Variants in CAGE1 observed in about 807,000 individuals in gnomAD.
CAGE1 encodes the protein cancer-associated gene 1 protein.
CAGE1 carries 66 observed loss-of-function variants against 94.9 expected under a neutral mutation model. The ratio of observed to expected loss-of-function variants is 0.70; its 90% CI spans 0.57 to 0.85. The LOEUF (loss-of-function observed/expected upper bound fraction) is 0.85, where lower values mean the gene tolerates loss of function less well. CAGE1 is among the 40% of genes least tolerant of loss of function. CAGE1 has a pLI of 0.00. For synonymous variants in CAGE1, 319 were observed against 321.0 expected (o/e 0.99, Z 0.07); for missense variants, 865 against 950.4 (o/e 0.91, Z 1.18).
chr6:7,382,256 T>C (rs968007764), intron 3 of CAGE1, among the ~76,000 whole-genome samples: 1 of 152,086 alleles, frequency 6.6e-6, no homozygotes, highest in Non-Finnish European at 1.5e-5. Context: ...ACTTTGGCCA[T>C]ACAGACGTTT....
intron 7 of CAGE1, among the ~76,000 whole-genome samples, chr6:7,366,177 C>T (rs527494088): frequency 2.1e-5 from 3 of 143,552 alleles, no homozygotes; most frequent in East Asian, 2.1e-4. Flanking sequence ...ACCTGGGAGG[C>T]GGAGGTTGCA....
chr6:7,345,894 C>T (rs990610548), intron 11 of CAGE1, among the ~76,000 whole-genome samples: 1 of 152,122 alleles, frequency 6.6e-6, no homozygotes, highest in African/African-American at 2.4e-5. Context: ...CACTGCACTC[C>T]AGCCTGGGTG....
Position 7,378,657 on chromosome 6 carries a change from G to T in CAGE1, c.647C>A (p.Ser216Tyr). 1.9e-6 allele frequency: 3 copies of T among 1,608,918 alleles called. No homozygotes were observed. The highest frequency in any genetic ancestry group is 2.5e-6 in the Non-Finnish European group (3 of 1,178,262). ...KSLAKSIAKE[S>Y]ALNPSQPPSF... ...TGGAGGTTGGCTAGGGTTGAGGGCA[G>T]ATTCCTTGGCAATACTTTTAGCCAG... The change falls in exon 4 of 14, where the codon TCT (serine) becomes TAT (tyrosine). Residue 216 changes from serine to tyrosine, a missense_variant. By Grantham distance (144) the Ser-to-Tyr change is moderately radical (BLOSUM62 -2). Transcript: ENST00000502583.
intron 3 of CAGE1, among the ~76,000 whole-genome samples, chr6:7,382,247 C>CT (rs1561868245): frequency 6.6e-6 from 1 of 152,028 alleles, no homozygotes; most frequent in African/African-American, 2.4e-5. Context: ...CTTTATTATA[C>CT]TTTGGCCATA....
At chr6:7,368,966 C>T (rs1344832471) in intron 6 of CAGE1, among the ~76,000 whole-genome samples, 168 bp from the exon 7 acceptor site, 1 of 151,558 alleles carries the variant, frequency 6.6e-6, no homozygotes, top group Non-Finnish European at 1.5e-5. Flanking sequence ...CAGAAGGCAT[C>T]CAATAAAGGG....
At chr6:7,366,353 C>T (rs1760335133) in intron 7 of CAGE1, among the ~76,000 whole-genome samples, 1 of 152,094 alleles carries the variant, frequency 6.6e-6, no homozygotes, top group Non-Finnish European at 1.5e-5. Flanking sequence ...CACAGCAGGT[C>T]CAAGACTGCT....
At chr6:7,377,031 T>C (rs1158133403) in intron 4 of CAGE1, among the ~76,000 whole-genome samples, 1 of 152,226 alleles carries the variant, frequency 6.6e-6, no homozygotes, top group Non-Finnish European at 1.5e-5. Flanking sequence ...GCTCTACATA[T>C]ACTTTATATG....
intron 11 of CAGE1, among the ~76,000 whole-genome samples, chr6:7,354,235 T>C (rs1356751442): frequency 1.3e-5 from 2 of 152,196 alleles, no homozygotes; most frequent in Non-Finnish European, 2.9e-5. Flanking sequence ...TGGCTGAATT[T>C]CCTTGGTTAT....
chr6:7,338,884 A>G, intron 11 of CAGE1: 2 of 1,542,572 alleles, frequency 1.3e-6, no homozygotes, highest in South Asian at 2.2e-5. Context: ...CTGGCTTCCC[A>G]CCCTTCTGTT....
intron 3 of CAGE1, among the ~76,000 whole-genome samples, chr6:7,382,876 C>G (rs1760986432): frequency 6.6e-6 from 1 of 152,084 alleles, no homozygotes; most frequent in African/African-American, 2.4e-5. Flanking sequence ...CTCCACTGCA[C>G]TCCATCCTGG....
Position 7,373,713 on chromosome 6 carries a change from T to A in CAGE1, c.1106A>T (p.Tyr369Phe). Residue 369 changes from tyrosine (Y) to phenylalanine (F), a missense_variant, in exon 5 of 14, where the codon TAC (tyrosine) becomes TTC (phenylalanine). Physicochemically the swap from Tyr to Phe is conservative, Grantham distance 22. Transcript: ENST00000502583. Reference sequence around the variant, plus strand: ...ATCATTCTTCTCTAGGATTATTTTGTATTTGTCTTCAATTAATTCTTCAAC... The same window carrying A: ...ATCATTCTTCTCTAGGATTATTTTGAATTTGTCTTCAATTAATTCTTCAAC... ...ENVEELIEDK[Y>F]KIILEKNDTK... 1 of 1,612,762 alleles carries A rather than the reference T, an allele frequency of 6.2e-7. No individual in the cohort carries two copies. Among genetic ancestry groups the A allele is most frequent in the Non-Finnish European group, 8.5e-7 (1 of 1,179,082 alleles).
intron 11 of CAGE1, among the ~76,000 whole-genome samples, chr6:7,352,296 AAAAAAAAAACAAAAAAAAAC>A (rs1426001518): frequency 4.9e-5 from 6 of 121,970 alleles, no homozygotes; most frequent in African/African-American, 2.1e-4. Flanking sequence ...GCTGCAAAAA[AAAAAAAAAACAAAAAAAAAC>A]AAAAAAAAAA....
chr6:7,376,361 C>T (rs1176173460), intron 4 of CAGE1, among the ~76,000 whole-genome samples: 1 of 151,362 alleles, frequency 6.6e-6, no homozygotes, highest in Non-Finnish European at 1.5e-5. Context: ...TGCACTGCAG[C>T]CTGGGCGACA....
In CAGE1 at chr6:7,387,200, T is replaced by TAA. The variant is rs35613760; in HGVS notation, c.-23-6_-23-5dup. On this transcript the variant is annotated splice_polypyrimidine_tract_variant and splice_region_variant and intron_variant, in intron 1 of 13. Coordinates refer to ENST00000502583, the MANE Select transcript of CAGE1 (RefSeq NM_001170692.2). ...ACTGTTGAACAATAGAAGACTTCTTTAAAAAAAAAATGTGTCTATTAGTAG... is the reference window on the plus strand; with the variant it reads ...ACTGTTGAACAATAGAAGACTTCTTTAAAAAAAAAAAATGTGTCTATTAGTAG... The TAA allele has an allele frequency of 1.8e-3, 2,499 of 1,356,964 alleles. No homozygotes were observed. Among genetic ancestry groups the TAA allele is most frequent in the Admixed American group, 2.7e-3 (116 of 43,442 alleles). The allele number at this position is 1,356,964 out of a possible 1,614,324, so 84.1% of individuals were successfully genotyped here. A position where few individuals can be genotyped will look rare whatever the true frequency, so the allele number is the denominator to read the frequency against.
chr6:7,384,870 G>A (rs1023000482), intron 3 of CAGE1, among the ~76,000 whole-genome samples: 1 of 152,136 alleles, frequency 6.6e-6, no homozygotes, highest in South Asian at 2.1e-4. Flanking sequence ...CTAATTTTTT[G>A]TATTTTTAGT....
At position 7,373,295 on chromosome 6, in the gene CAGE1, T is replaced by C. The variant is rs571770013; in HGVS notation, c.1524A>G (p.Arg508=). 6.2e-7 allele frequency: 1 copy of C among 1,605,474 alleles called. No individual in the cohort carries two copies. The highest frequency in any genetic ancestry group is 1.1e-5 in the South Asian group (1 of 89,944). The change falls in exon 5 of 14, where the codon AGA becomes AGG. Residue 508 remains arginine (R), a synonymous_variant. Coordinates refer to ENST00000502583, the MANE Select transcript of CAGE1 (RefSeq NM_001170692.2). The part of the protein sequence containing the change: ...NLEERQKLKS[R]LEKLLTQVRN... ...TAACTTGAGTGAGCAATTTCTCAAGTCTAGATTTCAGTTTCTGTCTTTCTT... is the reference window on the plus strand; with the variant it reads ...TAACTTGAGTGAGCAATTTCTCAAGCCTAGATTTCAGTTTCTGTCTTTCTT...
intron 11 of CAGE1, among the ~76,000 whole-genome samples, chr6:7,353,155 C>G (rs1198378704): frequency 6.6e-6 from 1 of 152,072 alleles, no homozygotes; most frequent in African/African-American, 2.4e-5. Context: ...TGACAAAGGA[C>G]AAATATCCAG....
At position 7,368,760 on chromosome 6, in the gene CAGE1, A is replaced by T; in HGVS notation, c.1932T>A (p.Ser644Arg). 6.4e-7 allele frequency: 1 copy of T among 1,558,100 alleles called. No individual in the cohort carries two copies. The highest frequency in any genetic ancestry group is 8.7e-7 in the Non-Finnish European group (1 of 1,150,584). Residue 644 changes from serine to arginine, a missense_variant, in exon 7 of 14, where the codon AGT becomes AGA. By Grantham distance (110) the Ser-to-Arg change is moderately radical. Coordinates refer to ENST00000502583, the MANE Select transcript of CAGE1 (RefSeq NM_001170692.2). ...GCAGCATTATATCACTAACCTTCTCACTCTCTTTGAAATGTTCAGCATCAG... is the reference window on the plus strand; with the variant it reads ...GCAGCATTATATCACTAACCTTCTCTCTCTCTTTGAAATGTTCAGCATCAG... ...INSDAEHFKE[S>R]EKVSDIMLQK...
intron 2 of CAGE1, among the ~76,000 whole-genome samples, chr6:7,386,649 C>T (rs1331066093): frequency 1.3e-5 from 2 of 152,260 alleles, no homozygotes; most frequent in Admixed American, 6.5e-5. Context: ...TGCAGTGGCG[C>T]GATCTTGGCT....
Sources: gnomAD v4.1 joint callset for allele counts (sites outside exome capture counted in the v4.1 genomes callset) on GRCh38, gnomAD v4.1.1 for gene constraint, MANE v1.5 for transcripts, NCBI Gene and HGNC (gene_info 2026-07-23, HGNC 2026-07-21) for gene names.